Variants in NIPBL observed in about 807,000 individuals in gnomAD.
NIPBL encodes the protein NIPBL cohesin loading factor, also known as nipped-B-like protein.
NIPBL carries 19 observed loss-of-function variants against 321.8 expected under a neutral mutation model. The ratio of observed to expected loss-of-function variants is 0.06; its 90% CI spans 0.04 to 0.09. The LOEUF (loss-of-function observed/expected upper bound fraction) is 0.09, where lower values mean the gene tolerates loss of function less well. Among genes scored for constraint, NIPBL ranks in the 10% least tolerant of loss-of-function variants. NIPBL has a pLI of 1.00. For missense variants in NIPBL, 2,210 were observed against 3,327.0 expected (o/e 0.66, Z 8.26); for synonymous variants, 1,106 against 1,114.1 (o/e 0.99, Z 0.14).
At chr5:36,954,229 G>A (rs576756801) in intron 2 of NIPBL, among the ~76,000 whole-genome samples, 1 of 152,198 alleles carries the variant, frequency 6.6e-6, no homozygotes, top group Admixed American at 6.5e-5. Context: ...GTGAGAGGAT[G>A]GCATACTTTT....
At chr5:37,058,770 A>C in intron 43 of NIPBL, 121 bp from the exon 44 acceptor site, 1 of 792,220 alleles carries the variant, frequency 1.3e-6, no homozygotes, top group Admixed American at 2.8e-5. Flanking sequence ...TGTTGATATA[A>C]AGTCAAGAGG....
At chr5:37,000,659 G>A in intron 12 of NIPBL, 89 bp downstream of exon 12, 11 of 1,405,608 alleles carry the variant, frequency 7.8e-6, no homozygotes, top group Non-Finnish European at 1.1e-5. Context: ...CTTTTTATGA[G>A]TTAATAACTA....
At chr5:36,927,110 A>G (rs770619423) in intron 1 of NIPBL, among the ~76,000 whole-genome samples, 2 of 152,200 alleles carry the variant, frequency 1.3e-5, no homozygotes, top group Admixed American at 6.5e-5. Context: ...ACAGTGTACT[A>G]TCATCTGCTT....
At chr5:36,977,160 C>T (rs559214917) in intron 9 of NIPBL, among the ~76,000 whole-genome samples, 1 of 151,992 alleles carries the variant, frequency 6.6e-6, no homozygotes, top group Admixed American at 6.6e-5. Context: ...ATCAGTGATT[C>T]AAATTAGCAA....
At chr5:36,900,741 G>A (rs293748) in intron 1 of NIPBL, among the ~76,000 whole-genome samples, 23,136 of 151,860 alleles carry the variant, frequency 0.15, 2,163 homozygotes, top group East Asian at 0.31. Context: ...ATTAGCTTTA[G>A]CTGTAAGTCT....
At chr5:36,926,854 G>A (rs1307711840) in intron 1 of NIPBL, among the ~76,000 whole-genome samples, 2 of 152,032 alleles carry the variant, frequency 1.3e-5, no homozygotes, top group East Asian at 3.9e-4. Flanking sequence ...ATTTTAGATT[G>A]TGTAAATTCA....
intron 11 of NIPBL, among the ~76,000 whole-genome samples, chr5:36,998,185 A>T (rs16903442): frequency 1.3e-5 from 2 of 152,008 alleles, no homozygotes; most frequent in Non-Finnish European, 2.9e-5. Flanking sequence ...TCCCCTGCTT[A>T]TTCCAGGGTA....
intron 1 of NIPBL, among the ~76,000 whole-genome samples, chr5:36,947,450 A>G (rs916778709): frequency 1.3e-5 from 2 of 152,026 alleles, no homozygotes; most frequent in African/African-American, 4.8e-5. Context: ...GTCTTAACTG[A>G]AAGCTTAAGG....
intron 32 of NIPBL, among the ~76,000 whole-genome samples, chr5:37,030,919 CTTTTTTTTTTT>C (rs11291612): frequency 1.8e-4 from 15 of 82,384 alleles, no homozygotes; most frequent in Admixed American, 5.7e-4. Flanking sequence ...CATGTTTAGC[CTTTTTTTTTTT>C]TTTTTTTTTT....
intron 3 of NIPBL, 116 bp downstream of exon 3, chr5:36,955,753 AT>A: frequency 1.3e-6 from 1 of 761,758 alleles, no homozygotes; most frequent in South Asian, 1.5e-5. Flanking sequence ...TTTTTTAAAA[AT>A]ATCCATATCC....
At position 36,985,076 on chromosome 5, in the gene NIPBL, G is replaced by A; in HGVS notation, c.1896G>A (p.Glu632=). The part of the protein sequence containing the change: ...ESKPNENRLV[E]TKSSENKLET... ...AACCAAATGAAAACCGATTGGTGGA[G>A]ACAAAATCAAGTGAAAATAAGTTAG... Residue 632 remains glutamate (E), a synonymous_variant, in exon 10 of 47, where the codon GAG becomes GAA. Transcript: ENST00000282516. The A allele has an allele frequency of 2.5e-6, 4 of 1,613,860 alleles. No homozygotes were observed. Among genetic ancestry groups the A allele is most frequent in the Non-Finnish European group, 2.5e-6 (3 of 1,179,932 alleles).
Position 36,985,905 on chromosome 5 carries a change from G to A in NIPBL, c.2725G>A (p.Gly909Ser), listed in dbSNP as rs1744733819. Residue 909 changes from glycine to serine, a missense_variant, in exon 10 of 47, where the codon GGT (glycine) becomes AGT (serine). Gly to Ser is a moderately conservative substitution (Grantham distance 56). Coordinates refer to ENST00000282516, the MANE Select transcript of NIPBL (RefSeq NM_133433.4). ...DSNKSRSDKL[G>S]FKSPTSKDDK... ...TAATAAATCAAGATCTGATAAACTT[G>A]GTTTTAAATCACCAACTAGTAAAGA... The A allele has an allele frequency of 3.1e-6, 5 of 1,613,680 alleles. No homozygotes were observed. Among genetic ancestry groups the A allele is most frequent in the African/African-American group, 2.7e-5 (2 of 74,876 alleles).
intron 37 of NIPBL, among the ~76,000 whole-genome samples, chr5:37,045,872 A>T (rs1447449975): frequency 2.0e-5 from 3 of 152,124 alleles, no homozygotes; most frequent in African/African-American, 4.8e-5. Context: ...CTGACTTTTT[A>T]AAAAAAATTT....
intron 1 of NIPBL, 122 bp downstream of exon 1, chr5:36,877,300 C>A (rs1201945377): frequency 6.4e-6 from 1 of 156,086 alleles, no homozygotes; most frequent in African/African-American, 2.4e-5. Flanking sequence ...CTTCCACAGG[C>A]GAGTCTAGAG....
intron 1 of NIPBL, among the ~76,000 whole-genome samples, chr5:36,893,399 T>A (rs1310329077): frequency 6.6e-6 from 1 of 152,156 alleles, no homozygotes; most frequent in Non-Finnish European, 1.5e-5. Flanking sequence ...AAAATGAAAA[T>A]TAGTACTTTC....
chr5:36,878,572 G>C (rs1222723535), intron 1 of NIPBL, among the ~76,000 whole-genome samples: 2 of 152,132 alleles, frequency 1.3e-5, no homozygotes, highest in Non-Finnish European at 2.9e-5. Flanking sequence ...GAAATCCCTT[G>C]TTTTACTAGT....
chr5:36,882,875 T>A (rs990530024), intron 1 of NIPBL, among the ~76,000 whole-genome samples: 1 of 151,584 alleles, frequency 6.6e-6, no homozygotes, highest in African/African-American at 2.4e-5. Flanking sequence ...TTGATTATAG[T>A]CTTTTTTTTT....
chr5:37,013,290 C>CG (rs1435886624), intron 21 of NIPBL, among the ~76,000 whole-genome samples: 4 of 147,936 alleles, frequency 2.7e-5, no homozygotes, highest in East Asian at 2.1e-4. Flanking sequence ...GCTGGCCAGG[C>CG]GGGGGGCTGA....
chr5:36,889,250 A>C (rs1347892780), intron 1 of NIPBL, among the ~76,000 whole-genome samples: 1 of 152,128 alleles, frequency 6.6e-6, no homozygotes, highest in African/African-American at 2.4e-5. Flanking sequence ...TTATCTGGAC[A>C]ATAAGGTTTG....
Sources: allele counts gnomAD v4.1 joint callset (sites outside exome capture counted in the v4.1 genomes callset), GRCh38; gene constraint gnomAD v4.1.1; transcripts MANE v1.5; gene names NCBI Gene and HGNC (gene_info 2026-07-23, HGNC 2026-07-21).